The following BCAT1 variants were observed in gnomAD, a reference collection of about 807,000 sequenced individuals.
BCAT1 encodes the protein branched-chain-amino-acid aminotransferase, cytosolic.
Under a neutral mutation model 52.4 loss-of-function variants are expected in BCAT1, and 48 were observed. That is an observed-to-expected ratio of 0.92 (90% CI 0.73 to 1.16). The LOEUF (loss-of-function observed/expected upper bound fraction) is 1.16, where lower values mean the gene tolerates loss of function less well. Among genes scored for constraint, BCAT1 ranks in the 50% most tolerant of loss-of-function variants. The pLI, the probability that BCAT1 is intolerant of heterozygous loss-of-function variation, is 0.00. For synonymous variants in BCAT1, 167 were observed against 161.3 expected, an observed-to-expected ratio of 1.04 and a Z score of -0.27; for missense variants, 451 against 457.1, an observed-to-expected ratio of 0.99 and a Z score of 0.12.
chr12:24,825,206 T>C (rs1301227563), intron 10 of BCAT1, among the ~76,000 whole-genome samples: 1 of 152,060 alleles, frequency 6.6e-6, no homozygotes, highest in African/African-American at 2.4e-5. Flanking sequence ...GACATTTAGG[T>C]TAATTCCATA....
intron 2 of BCAT1, among the ~76,000 whole-genome samples, chr12:24,899,208 T>C (rs936822500): frequency 5.9e-5 from 9 of 152,158 alleles, no homozygotes; most frequent in African/African-American, 2.2e-4. Context: ...TGCATCCTCA[T>C]GTAATATGAC....
At chr12:24,835,550 ATTTTATTTATTTATTTATTT>A (rs1940879378) in intron 8 of BCAT1, among the ~76,000 whole-genome samples, 1 of 141,228 alleles carries the variant, frequency 7.1e-6, no homozygotes, top group African/African-American at 2.8e-5. Flanking sequence ...TTTAAATTTT[ATTTTATTTATTTATTTATTT>A]ATTTATTTAT....
chr12:24,840,683 C>G (rs1047286824), intron 7 of BCAT1, among the ~76,000 whole-genome samples: 5 of 152,188 alleles, frequency 3.3e-5, no homozygotes, highest in Non-Finnish European at 5.9e-5. Flanking sequence ...CTGCAACTAA[C>G]ACTAAAATTA....
chr12:24,933,109 C>CTTTTTTTTT (rs57512325), intron 1 of BCAT1, among the ~76,000 whole-genome samples: 2 of 68,578 alleles, frequency 2.9e-5, no homozygotes, highest in African/African-American at 1.2e-4. Flanking sequence ...CACGCCTGGC[C>CTTTTTTTTT]TTTTTTTTTT....
intron 1 of BCAT1, among the ~76,000 whole-genome samples, chr12:24,928,704 T>TTTGTTGTTG (rs71063374): frequency 2.5e-4 from 36 of 144,190 alleles, no homozygotes; most frequent in African/African-American, 8.0e-4. Flanking sequence ...GTGTGAAATG[T>TTTGTTGTTG]TTGTTGTTGT....
chr12:24,891,020 A>G (rs1253555856), intron 3 of BCAT1, among the ~76,000 whole-genome samples: 1 of 152,104 alleles, frequency 6.6e-6, no homozygotes, highest in Non-Finnish European at 1.5e-5. Flanking sequence ...GAAGTCTCCT[A>G]TGTTGACTAT....
chr12:24,913,866 T>A (rs897377525), intron 1 of BCAT1, among the ~76,000 whole-genome samples: 1 of 152,132 alleles, frequency 6.6e-6, no homozygotes, highest in African/African-American at 2.4e-5. Context: ...ATAATTTCTT[T>A]ATGGCCTTAC....
At chr12:24,837,948 G>A (rs546462329) in intron 7 of BCAT1, among the ~76,000 whole-genome samples, 86 of 152,318 alleles carry the variant, frequency 5.6e-4, no homozygotes, top group Admixed American at 4.5e-3. Context: ...GTGAGGTCTA[G>A]TAGGACAATT....
chr12:24,940,319 G>A (rs1943829592), intron 1 of BCAT1, among the ~76,000 whole-genome samples: 1 of 152,176 alleles, frequency 6.6e-6, no homozygotes, highest in African/African-American at 2.4e-5. Flanking sequence ...AAGCTTCGAA[G>A]TGTTGTCCTT....
chr12:24,872,405 A>G (rs971838555), intron 5 of BCAT1, among the ~76,000 whole-genome samples: 4 of 152,342 alleles, frequency 2.6e-5, no homozygotes, highest in Non-Finnish European at 5.9e-5. Flanking sequence ...TCTAATGAAC[A>G]TTTCATAATG....
At chr12:24,868,920 A>G (rs547912908) in intron 5 of BCAT1, among the ~76,000 whole-genome samples, 1 of 152,342 alleles carries the variant, frequency 6.6e-6, no homozygotes, top group African/African-American at 2.4e-5. Flanking sequence ...TTTGCCATAG[A>G]CTAGGAAGTT....
At position 24,901,833 on chromosome 12, in the gene BCAT1, T is replaced by A. The variant is rs756249326; in HGVS notation, c.59A>T (p.Glu20Val). 1 of 1,613,936 alleles carries A rather than the reference T, an allele frequency of 6.2e-7. No individual in the cohort carries two copies. ...AECTGEGGSK[E>V]VVGTFKAKDL... ...ACTTACCTTAAAAGTCCCCACCACC[T>A]CTTTTGATCCTCCTTCTCCGGTACA... Residue 20 changes from glutamate (E) to valine (V), a missense_variant, in exon 2 of 11, where the codon GAG becomes GTG. By Grantham distance (121) the Glu-to-Val change is moderately radical. Transcript: ENST00000261192.
chr12:24,836,936 A>AAAG (rs1940979180), intron 7 of BCAT1, among the ~76,000 whole-genome samples: 1 of 121,570 alleles, frequency 8.2e-6, no homozygotes, highest in Non-Finnish European at 1.9e-5. Flanking sequence ...GAAAGAAAGA[A>AAAG]AGAAAGAAAG....
At chr12:24,894,234 A>G (rs766502773) in intron 3 of BCAT1, 41 bp downstream of exon 3, 1 of 1,584,182 alleles carries the variant, frequency 6.3e-7, no homozygotes, top group Non-Finnish European at 8.7e-7. Flanking sequence ...ACCCACAGTG[A>G]AGTGCAAGCA....
chr12:24,946,897 C>T (rs1591899563), intron 1 of BCAT1, among the ~76,000 whole-genome samples: 2 of 152,136 alleles, frequency 1.3e-5, no homozygotes, highest in South Asian at 4.2e-4. Context: ...GAAATTCTTG[C>T]GTAAAAAAGG....
At chr12:24,916,407 A>G (rs1347021025) in intron 1 of BCAT1, among the ~76,000 whole-genome samples, 1 of 152,184 alleles carries the variant, frequency 6.6e-6, no homozygotes, top group East Asian at 1.9e-4. Flanking sequence ...AGTCAACCTC[A>G]ATCCCTCGAA....
Position 24,902,236 on chromosome 12 carries a change from G to A in BCAT1, c.7-351C>T, listed in dbSNP as rs1158815903. On this transcript the variant is annotated intron_variant, in intron 1 of 10. Coordinates refer to ENST00000261192, the MANE Select transcript of BCAT1 (RefSeq NM_005504.7). ...ATCCGAGCAAATAGTCTAGACTGGG[G>A]TGTTAAGCCATTTATAGAAAAATCT... 2.9e-6 allele frequency: 4 copies of A among 1,361,776 alleles called. No individual in the cohort carries two copies. The East Asian group carries it at 1.1e-4, about 37-fold the overall frequency. 84.4% of individuals were successfully genotyped at this position (1,361,776 alleles called of 1,614,324 possible). A position where few individuals can be genotyped will look rare whatever the true frequency, so the allele number is the denominator to read the frequency against.
chr12:24,913,776 C>T (rs112228742), intron 1 of BCAT1, among the ~76,000 whole-genome samples: 3 of 152,336 alleles, frequency 2.0e-5, no homozygotes, highest in African/African-American at 7.2e-5. Context: ...TCTGAGCATG[C>T]ATTTCTTCCT....
In BCAT1 at chr12:24,948,974, C is replaced by T. The variant is rs1236369444; in HGVS notation, c.-42G>A. 1 of 1,582,748 alleles carries T rather than the reference C, an allele frequency of 6.3e-7. No individual in the cohort carries two copies. Among genetic ancestry groups the T allele is most frequent in the East Asian group, 2.3e-5 (1 of 43,468 alleles). ...AGGGAAGCTCGAGCTGAGCGGAGGGCAGATCCCAAGGGTCGTAGCCCCTGG... is the reference window on the plus strand; with the variant it reads ...AGGGAAGCTCGAGCTGAGCGGAGGGTAGATCCCAAGGGTCGTAGCCCCTGG... On this transcript the variant is annotated 5_prime_UTR_variant, in exon 1 of 11. Coordinates refer to ENST00000261192, the MANE Select transcript of BCAT1 (RefSeq NM_005504.7).
Sources: allele counts gnomAD v4.1 joint callset (sites outside exome capture counted in the v4.1 genomes callset), GRCh38; gene constraint gnomAD v4.1.1; transcripts MANE v1.5; gene names NCBI Gene and HGNC (gene_info 2026-07-23, HGNC 2026-07-21).